Variants in UNC13C observed in about 807,000 individuals in gnomAD.
The protein encoded by UNC13C is unc-13 homolog C.
In UNC13C, 174 loss-of-function variants were observed where a neutral mutation model predicts 245.4. That is an observed-to-expected ratio of 0.71 (90% CI 0.63 to 0.80). The LOEUF is 0.80. Ranked by LOEUF, UNC13C falls within the 30% of genes least tolerant of loss-of-function variation. The pLI is 0.00. For synonymous variants in UNC13C, 992 were observed against 895.1 expected (o/e 1.11, Z -1.93); for missense variants, 2,829 against 2,602.9 (o/e 1.09, Z -1.89).
Position 54,448,457 on chromosome 15 carries a change from C to G in UNC13C, c.4933+33390C>G, listed in dbSNP as rs185675442. ...GACTTCCTTTATGAATCTGGGTGCT[C>G]CTGTATTGGGTGCATATATATTTAG... is the stretch of plus-strand genomic sequence containing the variant. On this transcript the variant is annotated intron_variant, in intron 19 of 32. Coordinates refer to ENST00000260323, the MANE Select transcript of UNC13C (RefSeq NM_001080534.3). Among the ~76,000 whole-genome samples the G allele has an allele frequency of 5.1e-3, 781 of 152,254 alleles. 10 individuals carry two copies. The highest frequency in any genetic ancestry group is 0.018 in the African/African-American group (750 of 41,538).
chr15:54,067,098 A>G (rs1898112041), intron 2 of UNC13C, among the ~76,000 whole-genome samples: 1 of 152,110 alleles, frequency 6.6e-6, no homozygotes, highest in Non-Finnish European at 1.5e-5. Flanking sequence ...TATTAAGGCA[A>G]TAATTCTTCC....
intron 4 of UNC13C, among the ~76,000 whole-genome samples, chr15:54,151,235 G>C (rs2032501297): frequency 6.6e-6 from 1 of 150,656 alleles, no homozygotes; most frequent in African/African-American, 2.4e-5. Flanking sequence ...TATTGTAATA[G>C]AGGCCATCTT....
chr15:53,904,301 CAA>C, the UNC13C span, among the ~76,000 whole-genome samples: 1 of 151,968 alleles, frequency 6.6e-6, no homozygotes, highest in African/African-American at 2.4e-5. Context: ...ATTTTTTACT[CAA>C]GTGATAAAAC....
At chr15:54,078,505 T>A (rs919808149) in intron 2 of UNC13C, among the ~76,000 whole-genome samples, 5 of 152,196 alleles carry the variant, frequency 3.3e-5, no homozygotes, top group African/African-American at 9.6e-5. Context: ...AATTTTTTTT[T>A]AAATAACAGC....
chr15:54,093,532 A>T (rs974893226), intron 2 of UNC13C, among the ~76,000 whole-genome samples: 2 of 152,250 alleles, frequency 1.3e-5, no homozygotes, highest in Non-Finnish European at 2.9e-5. Context: ...TTTAATGAGA[A>T]CATCTTTTAT....
intron 19 of UNC13C, among the ~76,000 whole-genome samples, chr15:54,458,196 A>C (rs1356133807): frequency 6.6e-6 from 1 of 151,976 alleles, no homozygotes; most frequent in Non-Finnish European, 1.5e-5. Context: ...GTATAGTTTA[A>C]TAGTTCCCTT....
intron 13 of UNC13C, among the ~76,000 whole-genome samples, chr15:54,319,559 T>A (rs2038096666): frequency 6.6e-6 from 1 of 151,970 alleles, no homozygotes; most frequent in Non-Finnish European, 1.5e-5. Context: ...GATGCACCTT[T>A]AAAGATTTAA....
rs188413017 is a variant in UNC13C at position 54,551,802 on chromosome 15, T to C, written c.5877+2111T>C. ...AATTATCAGTCCATTTAGTTATTACTATTTGAATTACAGAGCAATAAATCT... is the reference window on the plus strand; with the variant it reads ...AATTATCAGTCCATTTAGTTATTACCATTTGAATTACAGAGCAATAAATCT... On this transcript the variant is annotated intron_variant, in intron 28 of 32. Coordinates refer to ENST00000260323, the MANE Select transcript of UNC13C (RefSeq NM_001080534.3). Among the ~76,000 whole-genome samples, 113 of 152,152 alleles carry C rather than the reference T, an allele frequency of 7.4e-4. 1 individual carries two copies. The East Asian group carries it at 0.013, about 17-fold the overall frequency.
chr15:54,511,863 A>G, intron 24 of UNC13C, 33 bp downstream of exon 24: 1 of 1,493,116 alleles, frequency 6.7e-7, no homozygotes, highest in East Asian at 2.3e-5. Flanking sequence ...TTTGCTAAAA[A>G]CCTACTTAGA....
rs189970280 is a variant in UNC13C, at chr15:53,988,161, C to T, written c.-257+9234C>T. 1.2e-3 allele frequency among the ~76,000 whole-genome samples: 182 copies of T among 152,120 alleles called. 1 individual carries two copies. The highest frequency in any genetic ancestry group is 4.3e-3 in the African/African-American group (178 of 41,530). On this transcript the variant is annotated intron_variant, in intron 1 of 32. Coordinates refer to ENST00000260323, the MANE Select transcript of UNC13C (RefSeq NM_001080534.3). Reference sequence around the variant, plus strand: ...GCAAGTCTTATGCTATTGTTCTCTTCACTGCAAAACTACTAGAATGCTTAC... The same window carrying T: ...GCAAGTCTTATGCTATTGTTCTCTTTACTGCAAAACTACTAGAATGCTTAC...
At chr15:54,225,499 G>C (rs936678736) in intron 4 of UNC13C, among the ~76,000 whole-genome samples, 1 of 152,150 alleles carries the variant, frequency 6.6e-6, no homozygotes, top group African/African-American at 2.4e-5. Context: ...GTGGTGGTTT[G>C]TAGTTCTCCT....
rs564928722 is a variant in UNC13C at position 54,240,282 on chromosome 15, C to G, written c.3228+2592C>G. On this transcript the variant is annotated intron_variant, in intron 7 of 32. Transcript: ENST00000260323. ...AAGTAAATGAACTATGACTTCTGTA[C>G]AACAGGCATATTAAATGTCACTATT... 5.9e-5 allele frequency among the ~76,000 whole-genome samples: 9 copies of G among 152,284 alleles called. No homozygotes were observed. The East Asian group carries it at 1.7e-3, about 29-fold the overall frequency.
At position 54,014,653 on chromosome 15, in the gene UNC13C, C is replaced by A. The variant is rs530116434; in HGVS notation, c.1750C>A (p.Arg584=). Residue 584 remains arginine (R), a synonymous_variant, in exon 2 of 33, where the codon CGG becomes AGG. Coordinates refer to ENST00000260323, the MANE Select transcript of UNC13C (RefSeq NM_001080534.3). ...AAGCTCTCTCCTGTCATCTTCGGAC[C>A]GGGAGCTATGGCAGAGGAAACAGGA... ...NGSSLLSSSD[R]ELWQRKQEGT... 1 of 1,613,428 alleles carries A rather than the reference C, an allele frequency of 6.2e-7. No individual in the cohort carries two copies. Among genetic ancestry groups the A allele is most frequent in the African/African-American group, 1.3e-5 (1 of 74,972 alleles).
At chr15:54,555,334 G>C (rs1193272293) in intron 28 of UNC13C, 98 bp from the exon 29 acceptor site, 3 of 850,116 alleles carry the variant, frequency 3.5e-6, no homozygotes, top group Admixed American at 4.6e-5. Flanking sequence ...TTTCAAATAG[G>C]AAGTTTGGCA....
At chr15:54,257,655 C>T (rs1476915937) in intron 8 of UNC13C, among the ~76,000 whole-genome samples, 1 of 152,152 alleles carries the variant, frequency 6.6e-6, no homozygotes, top group African/African-American at 2.4e-5. Flanking sequence ...CAGGCTCTCA[C>T]CTACAGGAAT....
intron 4 of UNC13C, among the ~76,000 whole-genome samples, chr15:54,172,796 G>C (rs1595945835): frequency 1.5e-5 from 2 of 136,164 alleles, no homozygotes; most frequent in African/African-American, 5.6e-5. Context: ...TCTTGTCTAA[G>C]AAGTATATCC....
chr15:54,499,368 T>C (rs529281363), intron 20 of UNC13C, among the ~76,000 whole-genome samples: 1 of 152,192 alleles, frequency 6.6e-6, no homozygotes, highest in African/African-American at 2.4e-5. Flanking sequence ...ACCTCCAACA[T>C]TGAGGACTAC....
chr15:54,509,368 C>T (rs1351619788), intron 23 of UNC13C, among the ~76,000 whole-genome samples: 1 of 152,006 alleles, frequency 6.6e-6, no homozygotes, highest in Non-Finnish European at 1.5e-5. Flanking sequence ...TTTCACATTC[C>T]AAAATATAGC....
chr15:54,397,059 G>C (rs1005778277), intron 18 of UNC13C, among the ~76,000 whole-genome samples: 3 of 151,288 alleles, frequency 2.0e-5, no homozygotes, highest in African/African-American at 7.3e-5. Context: ...TTATTGATCA[G>C]TTTCTTTTAT....
Sources: allele counts gnomAD v4.1 joint callset (sites outside exome capture counted in the v4.1 genomes callset), GRCh38; gene constraint gnomAD v4.1.1; transcripts MANE v1.5; gene names NCBI Gene and HGNC (gene_info 2026-07-23, HGNC 2026-07-21).